The following FRAS1 variants were observed in gnomAD, a reference collection of about 807,000 sequenced individuals.
The protein encoded by FRAS1 is extracellular matrix organizing protein FRAS1.
In FRAS1, 290 loss-of-function variants were observed where a neutral mutation model predicts 435.2. The ratio of observed to expected loss-of-function variants is 0.67; its 90% CI spans 0.61 to 0.73. FRAS1 has a LOEUF of 0.73. FRAS1 is among the 30% of genes least tolerant of loss of function. The pLI, the probability that FRAS1 is intolerant of heterozygous loss-of-function variation, is 0.00. For missense variants in FRAS1, 4,860 were observed against 5,001.5 expected (o/e 0.97, Z 0.85); for synonymous variants, 1,800 against 1,851.0 (o/e 0.97, Z 0.71).
intron 2 of FRAS1, among the ~76,000 whole-genome samples, chr4:78,166,684 C>T (rs886528700): frequency 1.3e-5 from 2 of 152,116 alleles, no homozygotes; most frequent in Non-Finnish European, 2.9e-5. Flanking sequence ...GAATTAATTT[C>T]AACCACTAGT....
chr4:78,148,761 C>T (rs1480218783), intron 2 of FRAS1, among the ~76,000 whole-genome samples: 1 of 152,088 alleles, frequency 6.6e-6, no homozygotes, highest in African/African-American at 2.4e-5. Flanking sequence ...TGGTAGGTAC[C>T]ACTTTTAAGT....
chr4:78,233,048 T>C (rs1724583234), intron 2 of FRAS1, among the ~76,000 whole-genome samples: 1 of 152,216 alleles, frequency 6.6e-6, no homozygotes. Context: ...GAAGATACTG[T>C]TTACAGTTTA....
chr4:78,418,880 G>T, intron 32 of FRAS1, 69 bp from the exon 33 acceptor site: 2 of 867,896 alleles, frequency 2.3e-6, no homozygotes, highest in Admixed American at 2.5e-5. Flanking sequence ...TTCTTAATAA[G>T]GTCTGTTTTT....
intron 25 of FRAS1, among the ~76,000 whole-genome samples, chr4:78,375,045 C>T (rs956314949): frequency 6.6e-5 from 10 of 152,100 alleles, no homozygotes; most frequent in Non-Finnish European, 8.8e-5. Context: ...TAAACTATAC[C>T]GTATAGCCTC....
In FRAS1 at chr4:78,429,129, C is replaced by G. The variant is rs945956957; in HGVS notation, c.4746C>G (p.Val1582=). ...SDGEHTSPEM[V]LTIHLLPSDQ... ...GAGAACACACAAGTCCGGAGATGGT[C>G]CTCACCATTCACTTACTTCCCAGTG... Residue 1582 remains valine (V), a synonymous_variant, in exon 36 of 74, where the codon GTC becomes GTG. Transcript: ENST00000512123. The G allele has an allele frequency of 2.5e-6, 4 of 1,569,870 alleles. No homozygotes were observed. Among genetic ancestry groups the G allele is most frequent in the Admixed American group, 3.8e-5 (2 of 53,134 alleles).
intron 9 of FRAS1, among the ~76,000 whole-genome samples, chr4:78,269,402 C>A (rs973687386): frequency 6.6e-6 from 1 of 152,218 alleles, no homozygotes; most frequent in Non-Finnish European, 1.5e-5. Flanking sequence ...CCACTTTCTG[C>A]CTGCCTCCTT....
At chr4:78,313,457 A>G (rs952010519) in intron 15 of FRAS1, among the ~76,000 whole-genome samples, 1 of 149,812 alleles carries the variant, frequency 6.7e-6, no homozygotes, top group Non-Finnish European at 1.5e-5. Context: ...GACAGAATAA[A>G]TCTCAGCAGT....
chr4:78,377,363 G>A (rs1731812398), intron 26 of FRAS1, among the ~76,000 whole-genome samples: 2 of 152,050 alleles, frequency 1.3e-5, no homozygotes, highest in African/African-American at 4.8e-5. Context: ...CTTCTCTCTG[G>A]GATATAAGTC....
At chr4:78,377,689 A>G (rs1731829032) in intron 26 of FRAS1, among the ~76,000 whole-genome samples, 1 of 152,314 alleles carries the variant, frequency 6.6e-6, no homozygotes, top group East Asian at 1.9e-4. Flanking sequence ...GTGCTATTCT[A>G]GGAAATGGTA....
intron 2 of FRAS1, among the ~76,000 whole-genome samples, chr4:78,126,468 A>G (rs546448775): frequency 1.2e-4 from 18 of 152,226 alleles, no homozygotes; most frequent in African/African-American, 4.1e-4. Flanking sequence ...TGCAGAAATC[A>G]CCCATCTTCT....
chr4:78,460,750 A>G (rs565688494), intron 47 of FRAS1, among the ~76,000 whole-genome samples: 2 of 152,242 alleles, frequency 1.3e-5, no homozygotes, highest in Non-Finnish European at 2.9e-5. Context: ...CAATTGTAAC[A>G]TGATAGTAAG....
intron 6 of FRAS1, among the ~76,000 whole-genome samples, chr4:78,258,635 T>G (rs1578211141): frequency 6.7e-6 from 1 of 148,534 alleles, no homozygotes; most frequent in East Asian, 1.9e-4. Flanking sequence ...TTTTTTTTTT[T>G]TAGATATTCT....
intron 2 of FRAS1, among the ~76,000 whole-genome samples, chr4:78,234,146 T>C (rs1418598835): frequency 1.3e-5 from 2 of 152,236 alleles, no homozygotes; most frequent in Non-Finnish European, 2.9e-5. Context: ...AAGATTGTTT[T>C]CTTGAAATCA....
chr4:78,400,410 T>G (rs376227345), intron 29 of FRAS1, among the ~76,000 whole-genome samples: 1 of 152,164 alleles, frequency 6.6e-6, no homozygotes, highest in Non-Finnish European at 1.5e-5. Flanking sequence ...AATGAATAAT[T>G]CTTAAATATG....
chr4:78,308,234 C>T (rs373017835), intron 15 of FRAS1, 25 bp downstream of exon 15: 6 of 1,604,292 alleles, frequency 3.7e-6, no homozygotes, highest in East Asian at 2.2e-5. Flanking sequence ...GCGATGCTGA[C>T]GTGTCCTTTC....
At chr4:78,125,869 T>C (rs1446854674) in intron 2 of FRAS1, among the ~76,000 whole-genome samples, 1 of 152,192 alleles carries the variant, frequency 6.6e-6, no homozygotes, top group South Asian at 2.1e-4. Context: ...CTGCCCGTTA[T>C]TGGAGCTTGA....
At chr4:78,464,216 A>C in intron 48 of FRAS1, 71 bp downstream of exon 48, 1 of 1,533,030 alleles carries the variant, frequency 6.5e-7, no homozygotes, top group Non-Finnish European at 8.8e-7. Flanking sequence ...TGGAGTAGGC[A>C]GAGTGACTGG....
At chr4:78,399,090 C>T (rs761889255) in intron 29 of FRAS1, among the ~76,000 whole-genome samples, 1 of 151,970 alleles carries the variant, frequency 6.6e-6, no homozygotes, top group African/African-American at 2.4e-5. Flanking sequence ...TTTTTTTACA[C>T]GTTTTTGATG....
At position 78,337,700 on chromosome 4, in the gene FRAS1, C is replaced by T; in HGVS notation, c.2305C>T (p.His769Tyr). The T allele has an allele frequency of 6.2e-7, 1 of 1,613,914 alleles. No individual in the cohort carries two copies. The highest frequency in any genetic ancestry group is 8.5e-7 in the Non-Finnish European group (1 of 1,179,808). The change falls in exon 20 of 74, where the codon CAT becomes TAT. Residue 769 changes from histidine to tyrosine, a missense_variant. Physicochemically the swap from His to Tyr is moderately conservative, Grantham distance 83. Coordinates refer to ENST00000512123, the MANE Select transcript of FRAS1 (RefSeq NM_025074.7). The part of the protein sequence containing the change: ...TECHPTCRQC[H>Y]GPLESDCISC... ...GTGTCACCCAACCTGCAGGCAGTGT[C>T]ATGGGCCGTTGGAGTCTGACTGCAT...
Sources: gnomAD v4.1 joint callset for allele counts (sites outside exome capture counted in the v4.1 genomes callset) on GRCh38, gnomAD v4.1.1 for gene constraint, MANE v1.5 for transcripts, NCBI Gene and HGNC (gene_info 2026-07-23, HGNC 2026-07-21) for gene names.